The following C2CD2 variants were observed in gnomAD, a reference collection of about 807,000 sequenced individuals.
The protein encoded by C2CD2 is C2 domain-containing protein 2.
A neutral mutation model predicts 74.3 loss-of-function variants in C2CD2; 43 were observed. That is an observed-to-expected ratio of 0.58 (90% CI 0.45 to 0.75). C2CD2 has a LOEUF of 0.75. Ranked by LOEUF, C2CD2 falls within the 30% of genes least tolerant of loss-of-function variation. The pLI, the probability that C2CD2 is intolerant of heterozygous loss-of-function variation, is 0.00. For synonymous variants in C2CD2, 422 were observed against 390.7 expected (o/e 1.08, Z -0.94); for missense variants, 801 against 916.3 (o/e 0.87, Z 1.63).
rs759080314 is a variant in C2CD2, at chr21:41,899,210, G to A, written c.1713C>T (p.Ala571=). The A allele has an allele frequency of 6.2e-7, 1 of 1,612,512 alleles. No individual in the cohort carries two copies. Among genetic ancestry groups the A allele is most frequent in the South Asian group, 1.1e-5 (1 of 90,942 alleles). The change falls in exon 13 of 14, where the codon GCC becomes GCT. Residue 571 remains alanine (A), a synonymous_variant. Coordinates refer to ENST00000380486, the MANE Select transcript of C2CD2 (RefSeq NM_015500.2). This position sits in a 1 kb window ranked among gnomAD's most constrained non-coding sequence, Gnocchi z 4.4. ...EEAESAQASL[A]PKPQEDELDS... is the part of the protein sequence containing the mutation. ...CTAGCTCGTCCTCCTGGGGCTTGGG[G>A]GCAAGGGATGCCTGGGCTGACTCGG... is the stretch of plus-strand genomic sequence containing the variant.
chr21:41,915,355 G>T (rs572089757), intron 5 of C2CD2, among the ~76,000 whole-genome samples: 1 of 152,142 alleles, frequency 6.6e-6, no homozygotes, highest in East Asian at 1.9e-4. Context: ...GTTTCCAACA[G>T]AAAGCACCCC....
In C2CD2 at chr21:41,953,618, C is replaced by T; in HGVS notation, c.31G>A (p.Gly11Arg). Residue 11 changes from glycine (G) to arginine (R), a missense_variant, in exon 1 of 14, where the codon GGG (glycine) becomes AGG (arginine). Gly to Arg is a moderately radical substitution (Grantham distance 125). Transcript: ENST00000380486. MAMARLGSWLGEAQWLALVSL... is the reference protein window; with the variant it reads MAMARLGSWLREAQWLALVSL... ...ACCAGCGCGAGCCACTGCGCCTCCC[C>T]GAGCCACGAGCCCAGCCGGGCCATG... is the stretch of plus-strand genomic sequence containing the variant. The T allele has an allele frequency of 2.0e-6, 3 of 1,491,898 alleles. No individual in the cohort carries two copies. The highest frequency in any genetic ancestry group is 1.3e-5 in the South Asian group (1 of 79,358). 92.4% of individuals were successfully genotyped at this position (1,491,898 alleles called of 1,614,324 possible).
At chr21:41,907,878 C>G in intron 8 of C2CD2, 94 bp from the exon 9 acceptor site, 4 of 1,338,998 alleles carry the variant, frequency 3.0e-6, no homozygotes, top group Non-Finnish European at 4.3e-6. Context: ...CCGGAACACG[C>G]TCCTCCCGTG....
Position 41,922,185 on chromosome 21 carries a change from G to T in C2CD2, c.379-100C>A, listed in dbSNP as rs2065162317. Reference sequence around the variant, plus strand: ...CTTCTTTTTTTTTTTTTGAGACAAGGTCTCACTCTGTCGCCCAGGCTGGAG... The same window carrying T: ...CTTCTTTTTTTTTTTTTGAGACAAGTTCTCACTCTGTCGCCCAGGCTGGAG... On this transcript the variant is annotated intron_variant, in intron 2 of 13. Coordinates refer to ENST00000380486, the MANE Select transcript of C2CD2 (RefSeq NM_015500.2). 6 of 678,782 alleles carry T rather than the reference G, an allele frequency of 8.8e-6. No homozygotes were observed. In the East Asian group the frequency reaches 1.4e-4, roughly 16 times the overall value. The allele number at this position is 678,782 out of a possible 1,614,324, so 42.0% of individuals were successfully genotyped here.
chr21:41,912,896 G>T (rs434919), intron 6 of C2CD2, among the ~76,000 whole-genome samples: 18,425 of 152,294 alleles, frequency 0.12, 1,356 homozygotes, highest in African/African-American at 0.2. Flanking sequence ...GGGAATTCTT[G>T]CATCTGCCAT....
chr21:41,921,411 G>C (rs529836150), intron 3 of C2CD2, among the ~76,000 whole-genome samples: 5 of 152,308 alleles, frequency 3.3e-5, no homozygotes, highest in Non-Finnish European at 5.9e-5. Flanking sequence ...GTAATTATTA[G>C]AGATCCGTAA....
Position 41,889,352 on chromosome 21 carries a change from A to C in C2CD2, c.1871-8T>G, listed in dbSNP as rs1367398900. On this transcript the variant is annotated splice_polypyrimidine_tract_variant and splice_region_variant and intron_variant, in intron 13 of 13. Coordinates refer to ENST00000380486, the MANE Select transcript of C2CD2 (RefSeq NM_015500.2). The stretch of plus-strand genomic sequence containing the variant: ...CTTTCCTTAGAATTCCTCCTGGAAG[A>C]GGGAGGCACAAGGGCTGGTCAAGTG... 2 of 1,604,252 alleles carry C rather than the reference A, an allele frequency of 1.2e-6. No homozygotes were observed. Among genetic ancestry groups the C allele is most frequent in the Non-Finnish European group, 1.7e-6 (2 of 1,171,796 alleles).
chr21:41,899,070 G>T lies in C2CD2; in HGVS notation c.1853C>A (p.Thr618Asn), dbSNP rs368345044. The T allele has an allele frequency of 4.4e-5, 71 of 1,613,576 alleles. No homozygotes were observed. Among genetic ancestry groups the T allele is most frequent in the Non-Finnish European group, 5.8e-5 (69 of 1,179,934 alleles). Residue 618 changes from threonine (T) to asparagine (N), a missense_variant, in exon 13 of 14, where the codon ACT becomes AAT. By Grantham distance (65) the Thr-to-Asn change is moderately conservative. Transcript: ENST00000380486. The surrounding 1 kb of genome is among the most constrained non-coding windows in gnomAD (Gnocchi z 4.4). ...ESSMSVLEPG[T>N]AKKHKGGILR... is the part of the protein sequence containing the mutation. The stretch of plus-strand genomic sequence containing the variant: ...GCAGGTACCTTTATGCTTTTTGGCA[G>T]TGCCCGGCTCCAAGACACTCATGGA...
At chr21:41,922,157 C>T (rs1287836812) in intron 2 of C2CD2, 72 bp from the exon 3 acceptor site, 2 of 778,032 alleles carry the variant, frequency 2.6e-6, no homozygotes, top group African/African-American at 1.8e-5. Flanking sequence ...GCATCTTCTT[C>T]TTCTTCTTTT....
intron 13 of C2CD2, among the ~76,000 whole-genome samples, chr21:41,889,815 A>G (rs2064729158): frequency 6.6e-6 from 1 of 151,952 alleles, no homozygotes; most frequent in African/African-American, 2.4e-5. Context: ...TTGTATTTCT[A>G]GTAGAGACAG....
At chr21:41,910,982 T>C (rs1462539577) in intron 7 of C2CD2, among the ~76,000 whole-genome samples, 3 of 135,282 alleles carry the variant, frequency 2.2e-5, no homozygotes, top group African/African-American at 8.6e-5. Context: ...TTATCTAATT[T>C]GCATTAACCA....
chr21:41,915,628 C>T (rs1210852631), intron 5 of C2CD2, among the ~76,000 whole-genome samples: 2 of 152,094 alleles, frequency 1.3e-5, no homozygotes, highest in Non-Finnish European at 2.9e-5. Context: ...TTAGTAGAGA[C>T]AGGGTTTCAC....
intron 1 of C2CD2, chr21:41,953,007 G>A: frequency 4.0e-6 from 1 of 249,592 alleles, no homozygotes; most frequent in Admixed American, 5.5e-5. Flanking sequence ...CATGTATCAT[G>A]TGCAAGCTCA....
chr21:41,953,196 G>A (rs1410711915), intron 1 of C2CD2, 174 bp downstream of exon 1: 2 of 418,506 alleles, frequency 4.8e-6, no homozygotes, highest in African/African-American at 2.0e-5. Flanking sequence ...TTGTCTCTCC[G>A]TCAAGGGGCC....
intron 2 of C2CD2, among the ~76,000 whole-genome samples, chr21:41,936,045 A>T (rs1569079626): frequency 6.6e-6 from 1 of 151,004 alleles, no homozygotes; most frequent in Non-Finnish European, 1.5e-5. Flanking sequence ...TTGGGCAATG[A>T]TTTTTTTTTG....
chr21:41,907,470 C>G (rs540066119), intron 9 of C2CD2, among the ~76,000 whole-genome samples, 190 bp downstream of exon 9: 2 of 152,342 alleles, frequency 1.3e-5, no homozygotes, highest in East Asian at 3.9e-4. Flanking sequence ...CAGCAGACAA[C>G]TCAATTGTAC....
intron 2 of C2CD2, among the ~76,000 whole-genome samples, chr21:41,922,732 C>T (rs372124658): frequency 1.3e-4 from 20 of 152,326 alleles, no homozygotes; most frequent in South Asian, 1.0e-3. Context: ...ACCTCAGCCT[C>T]CCAAAGTGCT....
rs59346777 is a variant in C2CD2, at chr21:41,928,544, CAAAAAAA to C, written c.379-6466_379-6460del. Among the ~76,000 whole-genome samples, 449 of 72,280 alleles carry C rather than the reference CAAAAAAA, an allele frequency of 6.2e-3. 1 individual carries two copies. The highest frequency in any genetic ancestry group is 0.022 in the African/African-American group (420 of 18,844). 47.4% of individuals were successfully genotyped at this position (72,280 alleles called of 152,430 possible). On this transcript the variant is annotated intron_variant, in intron 2 of 13. Coordinates refer to ENST00000380486, the MANE Select transcript of C2CD2 (RefSeq NM_015500.2). ...GAATTTCAAATCATGTAAAGCAAAG[CAAAAAAA>C]AAAAAAAAAAAAAAAAAGACAACTG...
intron 2 of C2CD2, among the ~76,000 whole-genome samples, chr21:41,925,660 T>G (rs2065202984): frequency 1.3e-5 from 2 of 152,198 alleles, no homozygotes; most frequent in Non-Finnish European, 2.9e-5. Context: ...TAATCTTCTT[T>G]TAGTGTATTA....
Sources: allele counts gnomAD v4.1 joint callset (sites outside exome capture counted in the v4.1 genomes callset), GRCh38; gene constraint gnomAD v4.1.1; non-coding constraint Gnocchi (gnomAD v3.1); transcripts MANE v1.5; gene names NCBI Gene and HGNC (gene_info 2026-07-23, HGNC 2026-07-21).